USP34: variants seen among roughly 807,000 people sequenced by gnomAD.
USP34 encodes ubiquitin specific peptidase 34.
In USP34, 70 loss-of-function variants were observed where a neutral mutation model predicts 460.3. That is an observed-to-expected ratio of 0.15 (90% CI 0.13 to 0.19). The LOEUF (loss-of-function observed/expected upper bound fraction) is 0.19. Among genes scored for constraint, USP34 ranks in the 10% least tolerant of loss-of-function variants. USP34 has a pLI of 1.00. For synonymous variants in USP34, 1,647 were observed against 1,405.3 expected, an observed-to-expected ratio of 1.17 and a Z score of -3.85; for missense variants, 3,985 against 4,236.2, an observed-to-expected ratio of 0.94 and a Z score of 1.65.
intron 3 of USP34, among the ~76,000 whole-genome samples, chr2:61,397,356 C>T (rs966011838): frequency 1.1e-4 from 17 of 151,062 alleles, no homozygotes; most frequent in African/African-American, 3.7e-4. Flanking sequence ...TGCAGGAGAA[C>T]TGCTTGAACC....
intron 21 of USP34, among the ~76,000 whole-genome samples, chr2:61,323,308 G>A (rs1690984028): frequency 6.6e-6 from 1 of 152,198 alleles, no homozygotes; most frequent in South Asian, 2.1e-4. Context: ...TCAGGAGATC[G>A]AGACCATCCT....
rs550107703 is a variant in USP34 at position 61,239,879 on chromosome 2, C to T, written c.6777+1681G>A. On this transcript the variant is annotated intron_variant, in intron 53 of 79. Transcript: ENST00000398571. ...AAAAGACATTAGCTGGGTGTGGTGG[C>T]GGGTGCCTGTAGTCCCAGCTACTAG... Among the ~76,000 whole-genome samples the T allele has an allele frequency of 1.1e-4, 17 of 151,840 alleles. No individual in the cohort carries two copies. The East Asian group carries it at 2.7e-3, about 24-fold the overall frequency.
At chr2:61,347,011 G>A (rs184136420) in intron 15 of USP34, among the ~76,000 whole-genome samples, 53 of 151,842 alleles carry the variant, frequency 3.5e-4, no homozygotes, top group African/African-American at 1.0e-3. Flanking sequence ...ATGGTGGTGG[G>A]TGCTTGTAAT....
chr2:61,221,711 A>C, intron 65 of USP34, 105 bp from the exon 66 acceptor site: 1 of 1,013,510 alleles, frequency 9.9e-7, no homozygotes, highest in Non-Finnish European at 1.4e-6. Context: ...AATCTGTGTT[A>C]GGGAAGGAGA....
At chr2:61,408,421 C>A (rs1693944718) in intron 2 of USP34, among the ~76,000 whole-genome samples, 1 of 152,008 alleles carries the variant, frequency 6.6e-6, no homozygotes, top group Non-Finnish European at 1.5e-5. Flanking sequence ...ATAAATAATG[C>A]ATCACATCTT....
rs531555456 is a variant in USP34 at position 61,396,582 on chromosome 2, G to A, written c.553-1349C>T. On this transcript the variant is annotated intron_variant, in intron 3 of 79. Coordinates refer to ENST00000398571, the MANE Select transcript of USP34 (RefSeq NM_014709.4). ...CGGATCACTGCAAGCTCTGCCTCCT[G>A]GGTTCACGCCATTCTCCTGCCTCAG... is the stretch of plus-strand genomic sequence containing the variant. Among the ~76,000 whole-genome samples, 3 of 151,958 alleles carry A rather than the reference G, an allele frequency of 2.0e-5. 1 individual carries two copies. In the South Asian group the frequency reaches 6.3e-4, roughly 32 times the overall value.
At chr2:61,265,156 A>G in intron 43 of USP34, 1 of 423,446 alleles carries the variant, frequency 2.4e-6, no homozygotes. Context: ...CATTGTATAC[A>G]CTGAGCATGC....
chr2:61,377,151 G>A (rs1033770791), intron 8 of USP34, among the ~76,000 whole-genome samples: 1 of 152,100 alleles, frequency 6.6e-6, no homozygotes, highest in Non-Finnish European at 1.5e-5. Flanking sequence ...AAGAACAACT[G>A]GGAGAATAAG....
chr2:61,342,014 C>T (rs891455293), intron 16 of USP34, among the ~76,000 whole-genome samples: 9 of 152,000 alleles, frequency 5.9e-5, no homozygotes, highest in South Asian at 4.1e-4. Context: ...CCACCTGTCT[C>T]GGCCTCCCAA....
intron 33 of USP34, among the ~76,000 whole-genome samples, chr2:61,289,261 A>G (rs1558511672): frequency 6.6e-6 from 1 of 152,158 alleles, no homozygotes; most frequent in Non-Finnish European, 1.5e-5. Context: ...ACTGAGAAAC[A>G]AAGTATTATA....
At chr2:61,445,233 A>T in intron 1 of USP34, among the ~76,000 whole-genome samples, 1 of 149,188 alleles carries the variant, frequency 6.7e-6, no homozygotes, top group East Asian at 1.9e-4. Context: ...AAAAAAAAAA[A>T]AAAAAAAAAA....
At chr2:61,253,986 T>C (rs1276420216) in intron 48 of USP34, among the ~76,000 whole-genome samples, 1 of 152,180 alleles carries the variant, frequency 6.6e-6, no homozygotes, top group African/African-American at 2.4e-5. Context: ...CCACCTGCCT[T>C]GGCCTCCCAA....
chr2:61,389,862 AAG>A (rs1693289046), intron 5 of USP34, among the ~76,000 whole-genome samples: 1 of 152,096 alleles, frequency 6.6e-6, no homozygotes, highest in Non-Finnish European at 1.5e-5. Context: ...TAGGGAAAAA[AAG>A]AAAAAAAAAG....
At chr2:61,399,374 T>C (rs548820857) in intron 3 of USP34, among the ~76,000 whole-genome samples, 4 of 151,692 alleles carry the variant, frequency 2.6e-5, no homozygotes, top group Admixed American at 6.6e-5. Flanking sequence ...AGTTCTATCC[T>C]GGTATGCAGT....
chr2:61,448,252 C>T (rs528879252), intron 1 of USP34, among the ~76,000 whole-genome samples: 1 of 152,262 alleles, frequency 6.6e-6, no homozygotes, highest in South Asian at 2.1e-4. Context: ...GGCAGGAGGA[C>T]TGCTTCAGGC....
At position 61,190,531 on chromosome 2, in the gene USP34, T is replaced by C; in HGVS notation, c.9716A>G (p.His3239Arg). The C allele has an allele frequency of 6.2e-7, 1 of 1,613,722 alleles. No individual in the cohort carries two copies. Among genetic ancestry groups the C allele is most frequent in the Non-Finnish European group, 8.5e-7 (1 of 1,179,876 alleles). ...AGTACTACGTACCTTTAGAAGGAAA[T>C]GTGTCATGAACGTGTAGACAATGTT... ...NNNIVYTFMT[H>R]FLLKVQSQVF... The change falls in exon 77 of 80, where the codon CAT (histidine) becomes CGT (arginine). Residue 3239 changes from histidine (H) to arginine (R), a missense_variant. This residue lies in a region of USP34 where 506 missense variants were observed against 439.0 expected (regional missense o/e 1.15). Transcript: ENST00000398571.
At chr2:61,443,493 TAA>T (rs59059487) in intron 1 of USP34, among the ~76,000 whole-genome samples, 3 of 147,748 alleles carry the variant, frequency 2.0e-5, no homozygotes, top group Admixed American at 2.0e-4. Context: ...GCAGATGTGT[TAA>T]AAAAAAAAAA....
chr2:61,376,005 C>CA (rs1042638143), intron 8 of USP34, among the ~76,000 whole-genome samples: 11 of 151,994 alleles, frequency 7.2e-5, no homozygotes, highest in Admixed American at 7.2e-4. Context: ...TGAAATATCT[C>CA]AAAATGGGTA....
chr2:61,201,211 G>GTTTTTTTTT (rs59199472), intron 75 of USP34, among the ~76,000 whole-genome samples: 1 of 101,380 alleles, frequency 9.9e-6, no homozygotes, highest in African/African-American at 3.8e-5. Flanking sequence ...CTCATAGAAA[G>GTTTTTTTTT]TTTTTTTTTT....
Sources: allele counts gnomAD v4.1 joint callset (sites outside exome capture counted in the v4.1 genomes callset), GRCh38; gene constraint gnomAD v4.1.1; regional missense constraint gnomAD v4.1.1; transcripts MANE v1.5; gene names NCBI Gene and HGNC (gene_info 2026-07-23, HGNC 2026-07-21).